CADPS2: variants seen among roughly 807,000 people sequenced by gnomAD.
The protein encoded by CADPS2 is calcium-dependent secretion activator 2.
A neutral mutation model predicts 172.5 loss-of-function variants in CADPS2; 93 were observed. The ratio of observed to expected loss-of-function variants is 0.54; its 90% CI spans 0.46 to 0.64. The LOEUF is 0.64. CADPS2 is among the 30% of genes least tolerant of loss of function. The probability of loss-of-function intolerance (pLI) is 0.00; values close to 1 mark genes in which losing one functional copy is unlikely to be tolerated. For missense variants in CADPS2, 1,420 were observed against 1,565.9 expected, an observed-to-expected ratio of 0.91 and a Z score of 1.57; for synonymous variants, 546 against 555.2, an observed-to-expected ratio of 0.98 and a Z score of 0.23.
intron 14 of CADPS2, among the ~76,000 whole-genome samples, chr7:122,456,561 C>T: frequency 6.6e-6 from 1 of 152,118 alleles, no homozygotes; most frequent in South Asian, 2.1e-4. Context: ...AAAGTTATGA[C>T]ATAAAACTTC....
chr7:122,354,116 G>T (rs935271171), intron 27 of CADPS2: 15 of 152,132 alleles, frequency 9.9e-5, no homozygotes, highest in South Asian at 6.2e-4. Flanking sequence ...GATGTGACTT[G>T]TTCACAATCA....
intron 3 of CADPS2, among the ~76,000 whole-genome samples, chr7:122,648,403 T>A (rs867099126): frequency 6.6e-6 from 1 of 152,152 alleles, no homozygotes; most frequent in Non-Finnish European, 1.5e-5. Context: ...AGGCATCACC[T>A]GCAATCTCGA....
At chr7:122,560,451 C>T (rs558803967) in intron 7 of CADPS2, among the ~76,000 whole-genome samples, 1 of 152,194 alleles carries the variant, frequency 6.6e-6, no homozygotes, top group East Asian at 1.9e-4. Context: ...AATAATTCCC[C>T]TCTCTCTAGC....
intron 1 of CADPS2, among the ~76,000 whole-genome samples, chr7:122,796,694 A>G (rs886704956): frequency 3.3e-5 from 5 of 152,160 alleles, no homozygotes; most frequent in South Asian, 2.1e-4. Flanking sequence ...CCTTCCTTAT[A>G]CCATATACAA....
At chr7:122,571,172 T>G (rs2067210435) in intron 7 of CADPS2, among the ~76,000 whole-genome samples, 1 of 151,790 alleles carries the variant, frequency 6.6e-6, no homozygotes, top group African/African-American at 2.4e-5. Context: ...AGCAACCCAG[T>G]TAAAAACTGG....
At chr7:122,329,985 G>A (rs749378369) in intron 28 of CADPS2, among the ~76,000 whole-genome samples, 1 of 152,120 alleles carries the variant, frequency 6.6e-6, no homozygotes, top group Admixed American at 6.6e-5. Context: ...GCTTTTTATT[G>A]ATTATGAATT....
chr7:122,509,080 G>T (rs765646911), intron 9 of CADPS2, among the ~76,000 whole-genome samples: 1 of 152,148 alleles, frequency 6.6e-6, no homozygotes, highest in South Asian at 2.1e-4. Context: ...ACATCAGCTA[G>T]TGTCCCAAAC....
rs547941282 is a variant in CADPS2 at position 122,407,602 on chromosome 7, G to A, written c.2684C>T (p.Pro895Leu). Residue 895 changes from proline to leucine, a missense_variant, in exon 20 of 30, where the codon CCG becomes CTG. Pro to Leu is a moderately conservative substitution (Grantham distance 98, BLOSUM62 -3). Coordinates refer to ENST00000449022, the MANE Select transcript of CADPS2 (RefSeq NM_017954.11). ...AGGAAAACTATCCCAGGAGTCTTGC[G>A]GTTGAGCCTCTAGTGCAGTGTCCAT... ...VDMDTALEAQ[P>L]QDSWDSFPLF... 2.4e-5 allele frequency: 38 copies of A among 1,612,006 alleles called. No individual in the cohort carries two copies. The highest frequency in any genetic ancestry group is 1.7e-4 in the African/African-American group (13 of 75,020).
intron 8 of CADPS2, among the ~76,000 whole-genome samples, chr7:122,517,244 C>A (rs980865849): frequency 2.0e-5 from 3 of 152,184 alleles, no homozygotes; most frequent in Non-Finnish European, 4.4e-5. Context: ...CCACTCCTTT[C>A]ATTGCTAAGC....
chr7:122,616,861 G>C (rs2074984978), intron 5 of CADPS2, among the ~76,000 whole-genome samples: 1 of 152,078 alleles, frequency 6.6e-6, no homozygotes. Flanking sequence ...ACCAGAAGCT[G>C]AGATAAATCA....
chr7:122,545,374 A>C (rs2131737221), intron 8 of CADPS2, among the ~76,000 whole-genome samples: 1 of 152,246 alleles, frequency 6.6e-6, no homozygotes, highest in East Asian at 1.9e-4. Flanking sequence ...AAAGAGTGAA[A>C]GAAATAGATT....
rs184903495 is a variant in CADPS2 at position 122,461,601 on chromosome 7, T to C, written c.2186+9774A>G. Among the ~76,000 whole-genome samples, 700 of 151,652 alleles carry C rather than the reference T, an allele frequency of 4.6e-3. 7 individuals are homozygous for C. Among genetic ancestry groups the C allele is most frequent in the Middle Eastern group, 0.021 (6 of 286 alleles). On this transcript the variant is annotated intron_variant, in intron 14 of 29. Coordinates refer to ENST00000449022, the MANE Select transcript of CADPS2 (RefSeq NM_017954.11). Reference sequence around the variant, plus strand: ...CCAAGAGCCTTTTTTGTTGTTGTTTTGTTTTGTTTTTTAAGATGGAGTCTC... The same window carrying C: ...CCAAGAGCCTTTTTTGTTGTTGTTTCGTTTTGTTTTTTAAGATGGAGTCTC...
chr7:122,467,964 TTCTC>T (rs1231456754), intron 14 of CADPS2, among the ~76,000 whole-genome samples: 1 of 152,264 alleles, frequency 6.6e-6, no homozygotes, highest in South Asian at 2.1e-4. Flanking sequence ...TCCTTTCTTT[TTCTC>T]TCTCTTCCTC....
chr7:122,577,392 CT>C (rs1185069468), intron 7 of CADPS2, among the ~76,000 whole-genome samples: 1 of 152,048 alleles, frequency 6.6e-6, no homozygotes, highest in Non-Finnish European at 1.5e-5. Context: ...TTGTCTACCC[CT>C]ATAATTTTCT....
chr7:122,601,313 A>T (rs1471119727), intron 6 of CADPS2, among the ~76,000 whole-genome samples: 1 of 152,050 alleles, frequency 6.6e-6, no homozygotes, highest in Non-Finnish European at 1.5e-5. Flanking sequence ...AAAGTTAAAC[A>T]TTAGAACACA....
At chr7:122,365,932 A>C (rs8180757) in intron 25 of CADPS2, among the ~76,000 whole-genome samples, 119,315 of 152,104 alleles carry the variant, frequency 0.78, 47,345 homozygotes, top group African/African-American at 0.89. Flanking sequence ...GTTCAAAACG[A>C]ACAGTTCTTG....
chr7:122,637,171 CTTTTTTTTTTTTTTTTTTTTTTTTT>C (rs71161313), intron 3 of CADPS2, among the ~76,000 whole-genome samples: 1 of 53,900 alleles, frequency 1.9e-5, no homozygotes, highest in Non-Finnish European at 3.7e-5. Flanking sequence ...TGAAATTTTG[CTTTTTTTTTTTTTTTTTTTTTTTTT>C]TTTTTTTTTT....
At chr7:122,631,648 CA>C (rs2076583575) in intron 3 of CADPS2, among the ~76,000 whole-genome samples, 1 of 151,674 alleles carries the variant, frequency 6.6e-6, no homozygotes, top group South Asian at 2.1e-4. Context: ...CAAAACAAAA[CA>C]AAACCAAAAA....
intron 12 of CADPS2, among the ~76,000 whole-genome samples, chr7:122,475,512 A>G (rs1253273669): frequency 6.6e-6 from 1 of 152,216 alleles, no homozygotes; most frequent in East Asian, 1.9e-4. Flanking sequence ...TACAATCTTA[A>G]AATTATAAAG....
Sources: gnomAD v4.1 joint callset for allele counts (sites outside exome capture counted in the v4.1 genomes callset) on GRCh38, gnomAD v4.1.1 for gene constraint, MANE v1.5 for transcripts, NCBI Gene and HGNC (gene_info 2026-07-23, HGNC 2026-07-21) for gene names.